NXPE4: variants seen among roughly 807,000 people sequenced by gnomAD.
NXPE4 encodes neurexophilin and PC-esterase domain family member 4.
NXPE4 carries 42 observed loss-of-function variants against 33.3 expected under a neutral mutation model. The ratio of observed to expected loss-of-function variants is 1.26; its 90% CI spans 0.98 to 1.63. NXPE4 has a LOEUF of 1.63. Among genes scored for constraint, NXPE4 ranks in the 40% most tolerant of loss-of-function variants. The probability of loss-of-function intolerance (pLI) is 0.00; values close to 1 mark genes in which losing one functional copy is unlikely to be tolerated. For missense variants in NXPE4, 709 were observed against 647.6 expected, an observed-to-expected ratio of 1.09 and a Z score of -1.03; for synonymous variants, 253 against 234.9, an observed-to-expected ratio of 1.08 and a Z score of -0.71.
At chr11:114,607,100 A>G in the NXPE4 span, among the ~76,000 whole-genome samples, 67 of 138,568 alleles carry the variant, frequency 4.8e-4, no homozygotes, top group Middle Eastern at 5.3e-3. Flanking sequence ...TTGCCTCGTG[A>G]GTAACCACTG....
chr11:114,674,078 G>C, the NXPE4 span, among the ~76,000 whole-genome samples: 327 of 145,610 alleles, frequency 2.2e-3, 1 homozygote, highest in African/African-American at 7.8e-3. Flanking sequence ...AGGGGCTGGT[G>C]GACATTGTTT....
the NXPE4 span, among the ~76,000 whole-genome samples, chr11:114,663,225 G>A: frequency 3.9e-5 from 6 of 152,134 alleles, no homozygotes; most frequent in Admixed American, 3.3e-4. Flanking sequence ...AAGGGGAAGG[G>A]AAAAGAGGGG....
the NXPE4 span, among the ~76,000 whole-genome samples, chr11:114,626,612 C>T: frequency 3.0e-4 from 45 of 152,166 alleles, no homozygotes; most frequent in East Asian, 1.9e-4. Flanking sequence ...AAAAGCAGAG[C>T]GCCTCTCCTC....
At chr11:114,614,191 T>C in the NXPE4 span, among the ~76,000 whole-genome samples, 4 of 146,596 alleles carry the variant, frequency 2.7e-5, no homozygotes, top group Non-Finnish European at 6.0e-5. Flanking sequence ...AGGGATATTA[T>C]CCACCATGTA....
chr11:114,576,222 A>G lies in NXPE4; in HGVS notation c.1099+3910T>C, dbSNP rs1041822749. Among the ~76,000 whole-genome samples the G allele has an allele frequency of 2.6e-4, 40 of 152,204 alleles. 1 individual carries two copies. Among genetic ancestry groups the G allele is most frequent in the Admixed American group, 2.1e-3 (32 of 15,278 alleles). On this transcript the variant is annotated intron_variant, in intron 5 of 5. Transcript: ENST00000375478. ...AACTCCAGATGGATCAAAGACTTAA[A>G]TTTAAGACCTGAAGCCATGAAGATT...
At chr11:114,599,749 C>T (rs1178138503), upstream of NXPE4, among the ~76,000 whole-genome samples, 1 of 152,066 alleles carries the variant, frequency 6.6e-6, no homozygotes, top group African/African-American at 2.4e-5. Context: ...CTTGTGAGAA[C>T]TCACTCACTA....
At chr11:114,595,188 T>G (rs1035804316) in intron 1 of NXPE4, among the ~76,000 whole-genome samples, 1 of 152,178 alleles carries the variant, frequency 6.6e-6, no homozygotes. Flanking sequence ...GCCTGTTGAA[T>G]GCAAATTAGT....
the NXPE4 span, among the ~76,000 whole-genome samples, chr11:114,659,551 A>G: frequency 2.0e-5 from 3 of 152,282 alleles, no homozygotes; most frequent in Non-Finnish European, 1.5e-5. Context: ...ATATTTTGAA[A>G]TGAAACAACA....
the NXPE4 span, among the ~76,000 whole-genome samples, chr11:114,605,509 T>C: frequency 1.3e-5 from 2 of 151,766 alleles, no homozygotes; most frequent in Non-Finnish European, 2.9e-5. Flanking sequence ...TGTTGCCCCG[T>C]GGGTAACCAC....
At chr11:114,589,852 C>G (rs1949402457) in intron 2 of NXPE4, among the ~76,000 whole-genome samples, 1 of 152,154 alleles carries the variant, frequency 6.6e-6, no homozygotes, top group South Asian at 2.1e-4. Context: ...ATTAGGAGCA[C>G]AAAAACCCAA....
intron 2 of NXPE4, chr11:114,583,361 G>T (rs114383863): frequency 8.0e-6 from 5 of 621,798 alleles, no homozygotes; most frequent in Admixed American, 7.9e-5. Context: ...CTGAATCTGC[G>T]TGACTCATAA....
chr11:114,628,873 A>G, the NXPE4 span, among the ~76,000 whole-genome samples: 94 of 152,140 alleles, frequency 6.2e-4, no homozygotes, highest in Middle Eastern at 0.014. Flanking sequence ...ACAAACTACC[A>G]TCAGAGAATG....
chr11:114,668,808 C>G, the NXPE4 span, among the ~76,000 whole-genome samples: 1 of 152,076 alleles, frequency 6.6e-6, no homozygotes, highest in Non-Finnish European at 1.5e-5. Context: ...AGAAACTTGG[C>G]AAATCCTCTC....
At chr11:114,641,293 G>A in the NXPE4 span, among the ~76,000 whole-genome samples, 4 of 151,810 alleles carry the variant, frequency 2.6e-5, no homozygotes, top group African/African-American at 4.8e-5. Context: ...ATTCCAGAAA[G>A]GTAGTGTAAA....
chr11:114,630,430 C>A, the NXPE4 span, among the ~76,000 whole-genome samples: 1 of 151,734 alleles, frequency 6.6e-6, no homozygotes, highest in African/African-American at 2.4e-5. Flanking sequence ...GGAAAGTATT[C>A]CCTATTTAAT....
the NXPE4 span, among the ~76,000 whole-genome samples, chr11:114,615,579 CTGG>C: frequency 6.6e-6 from 1 of 150,884 alleles, no homozygotes; most frequent in Admixed American, 6.6e-5. Flanking sequence ...CCACCTTTAC[CTGG>C]TGAATAATAT....
At chr11:114,635,756 C>G in the NXPE4 span, among the ~76,000 whole-genome samples, 5 of 152,002 alleles carry the variant, frequency 3.3e-5, no homozygotes, top group African/African-American at 1.2e-4. Context: ...TGTTTATATG[C>G]TGGATTACAT....
chr11:114,651,438 G>A, the NXPE4 span, among the ~76,000 whole-genome samples: 1 of 152,178 alleles, frequency 6.6e-6, no homozygotes, highest in African/African-American at 2.4e-5. Context: ...GAGTGTTACA[G>A]CTCATAAAGG....
chr11:114,648,698 T>C, the NXPE4 span, among the ~76,000 whole-genome samples: 4 of 152,160 alleles, frequency 2.6e-5, no homozygotes, highest in African/African-American at 9.7e-5. Flanking sequence ...AATGACAAGG[T>C]TGTAATTCCA....
Sources: allele counts gnomAD v4.1 joint callset (sites outside exome capture counted in the v4.1 genomes callset), GRCh38; gene constraint gnomAD v4.1.1; transcripts MANE v1.5; gene names NCBI Gene and HGNC (gene_info 2026-07-23, HGNC 2026-07-21).